SLIT1: variants seen among roughly 807,000 people sequenced by gnomAD.
SLIT1 encodes slit homolog 1 protein.
SLIT1 carries 66 observed loss-of-function variants against 186.1 expected under a neutral mutation model. That is an observed-to-expected ratio of 0.35 (90% confidence interval 0.29 to 0.44). The LOEUF (loss-of-function observed/expected upper bound fraction) is 0.44. SLIT1 is among the 20% of genes least tolerant of loss of function. The pLI, the probability that SLIT1 is intolerant of heterozygous loss-of-function variation, is 1.00. For missense variants in SLIT1, 1,638 were observed against 2,037.4 expected (o/e 0.80, Z 3.77); for synonymous variants, 761 against 833.8 (o/e 0.91, Z 1.50).
At chr10:97,088,105 T>G (rs1176556059) in intron 4 of SLIT1, among the ~76,000 whole-genome samples, 1 of 152,178 alleles carries the variant, frequency 6.6e-6, no homozygotes, top group Non-Finnish European at 1.5e-5. Context: ...TACTGTTGCC[T>G]GGACCCACCC....
intron 4 of SLIT1, among the ~76,000 whole-genome samples, chr10:97,156,895 C>A (rs1470865879): frequency 6.6e-6 from 1 of 152,122 alleles, no homozygotes. Context: ...ATGCAGAAGG[C>A]CCTGCCGGTG....
chr10:97,057,666 A>G (rs1848853524), intron 11 of SLIT1: 1 of 369,902 alleles, frequency 2.7e-6, no homozygotes, highest in Non-Finnish European at 4.9e-6. Context: ...AGGAATAATT[A>G]ACATATTTTC....
intron 4 of SLIT1, among the ~76,000 whole-genome samples, chr10:97,141,668 C>CATTGCATTGT (rs1554853311): frequency 1.2e-4 from 13 of 108,846 alleles, no homozygotes; most frequent in African/African-American, 5.1e-4. Flanking sequence ...TATTGCATTG[C>CATTGCATTGT]ATTGTATCGT....
chr10:97,083,949 CA>C (rs1371092659), intron 4 of SLIT1, among the ~76,000 whole-genome samples: 3 of 152,164 alleles, frequency 2.0e-5, no homozygotes, highest in Non-Finnish European at 4.4e-5. Flanking sequence ...CAGTCTTTGG[CA>C]CACCTCTGGG....
At chr10:97,042,844 C>A in intron 20 of SLIT1, 57 bp downstream of exon 20, 1 of 1,572,426 alleles carries the variant, frequency 6.4e-7, no homozygotes, top group South Asian at 1.2e-5. Context: ...ACCTGCCCCA[C>A]CCCACTGGTT....
chr10:97,112,886 G>T (rs1420271214), intron 4 of SLIT1, among the ~76,000 whole-genome samples: 3 of 152,078 alleles, frequency 2.0e-5, no homozygotes, highest in Non-Finnish European at 2.9e-5. Flanking sequence ...TAGAGACAGG[G>T]TTTCACCATG....
At position 97,056,285 on chromosome 10, in the gene SLIT1, T is replaced by TG. The variant is rs559673456; in HGVS notation, c.1301+35dup. 393 of 1,610,078 alleles carry TG rather than the reference T, an allele frequency of 2.4e-4. 4 individuals carry two copies. The South Asian group carries it at 4.1e-3, about 17-fold the overall frequency. On this transcript the variant is annotated intron_variant, in intron 13 of 36. Coordinates refer to ENST00000266058, the MANE Select transcript of SLIT1 (RefSeq NM_003061.3). ...TGCAACCTCCCCCAGGCCCACCTGC[T>TG]GGGAGGGGAGAAGAAGAAGGCATCA...
intron 11 of SLIT1, among the ~76,000 whole-genome samples, chr10:97,059,254 G>A (rs1033314811): frequency 3.3e-5 from 5 of 152,234 alleles, no homozygotes; most frequent in Admixed American, 6.5e-5. Context: ...TCCCAGCGTC[G>A]GAGGGTCCAC....
At position 97,064,251 on chromosome 10, in the gene SLIT1, A is replaced by G; in HGVS notation, c.558-12T>C. 2 of 1,611,746 alleles carry G rather than the reference A, an allele frequency of 1.2e-6. No individual in the cohort carries two copies. Among genetic ancestry groups the G allele is most frequent in the African/African-American group, 2.7e-5 (2 of 74,988 alleles). On this transcript the variant is annotated splice_polypyrimidine_tract_variant and intron_variant, in intron 6 of 36. Coordinates refer to ENST00000266058, the MANE Select transcript of SLIT1 (RefSeq NM_003061.3). ...TGTTGTTCAGGGTCCTAAATGGGAA[A>G]AACCAGAGTCATTTAGCACCTGCCC... is the stretch of plus-strand genomic sequence containing the variant.
chr10:97,027,880 C>T (rs948459007), intron 25 of SLIT1, among the ~76,000 whole-genome samples: 1 of 152,290 alleles, frequency 6.6e-6, no homozygotes, highest in South Asian at 2.1e-4. Context: ...CACATCTGCA[C>T]AGTTGAACCC....
At chr10:97,032,570 C>CAA (rs377278794) in intron 23 of SLIT1, among the ~76,000 whole-genome samples, 23 of 120,910 alleles carry the variant, frequency 1.9e-4, no homozygotes, top group Non-Finnish European at 2.4e-4. Flanking sequence ...CTCCCCATCT[C>CAA]AAAAAAAAAA....
chr10:97,176,940 C>A (rs376736883), intron 1 of SLIT1, among the ~76,000 whole-genome samples: 4 of 152,168 alleles, frequency 2.6e-5, no homozygotes, highest in East Asian at 1.9e-4. Flanking sequence ...TGTGAGTCCT[C>A]GAAGGATGTG....
At chr10:97,051,008 T>A (rs1205431761) in intron 13 of SLIT1, among the ~76,000 whole-genome samples, 4 of 151,858 alleles carry the variant, frequency 2.6e-5, no homozygotes, top group Non-Finnish European at 4.4e-5. Flanking sequence ...TGGGAAAAAA[T>A]AATCGTGTTA....
chr10:97,019,180 C>T (rs1848481766), intron 26 of SLIT1, 73 bp from the exon 27 acceptor site: 1 of 954,782 alleles, frequency 1.0e-6, no homozygotes, highest in South Asian at 1.5e-5. Flanking sequence ...GCACCTCAAC[C>T]CCGAGGAGCC....
intron 4 of SLIT1, chr10:97,102,316 G>C (rs918333615): frequency 1.3e-5 from 2 of 151,272 alleles, no homozygotes; most frequent in African/African-American, 4.9e-5. Flanking sequence ...AGCTACTTAG[G>C]AGGCTGAAGC....
Position 97,002,183 on chromosome 10 carries a change from G to C in SLIT1, c.4341C>G (p.Gly1447=), listed in dbSNP as rs1228067724. The change falls in exon 36 of 37, where the codon GGC becomes GGG. Residue 1447 remains glycine, a synonymous_variant. Coordinates refer to ENST00000266058, the MANE Select transcript of SLIT1 (RefSeq NM_003061.3). ...TKGAHCVCDP[G]FSGELCEQES... The stretch of plus-strand genomic sequence containing the variant: ...CTTGCTCACACAGCTCGCCCGAAAA[G>C]CCGGGGTCACACACACAGTGTGCCC... The C allele has an allele frequency of 4.7e-6, 7 of 1,501,908 alleles. No individual in the cohort carries two copies. In the South Asian group the frequency reaches 7.7e-5, roughly 16 times the overall value. The allele number at this position is 1,501,908 out of a possible 1,614,324, so 93.0% of individuals were successfully genotyped here. A position where few individuals can be genotyped will look rare whatever the true frequency, so the allele number is the denominator to read the frequency against.
chr10:97,036,932 A>G (rs1341377283), intron 22 of SLIT1, among the ~76,000 whole-genome samples: 1 of 152,206 alleles, frequency 6.6e-6, no homozygotes, highest in Non-Finnish European at 1.5e-5. Context: ...ACAGGTATGT[A>G]TTTGTAGCTG....
rs149747580 is a variant in SLIT1, at chr10:97,148,070, T to A, written c.413+9748A>T. Reference sequence around the variant, plus strand: ...AAGAGCACACCCTCTGGGTAGCACTTCCTGTACTCCAAGCCTGGATCTGCC... The same window carrying A: ...AAGAGCACACCCTCTGGGTAGCACTACCTGTACTCCAAGCCTGGATCTGCC... On this transcript the variant is annotated intron_variant, in intron 4 of 36. Coordinates refer to ENST00000266058, the MANE Select transcript of SLIT1 (RefSeq NM_003061.3). Among the ~76,000 whole-genome samples, 6 of 152,296 alleles carry A rather than the reference T, an allele frequency of 3.9e-5. No individual in the cohort carries two copies. The East Asian group carries it at 1.2e-3, about 29-fold the overall frequency.
At chr10:97,058,214 C>A in intron 11 of SLIT1, 1 of 630,832 alleles carries the variant, frequency 1.6e-6, no homozygotes, top group Non-Finnish European at 2.9e-6. Context: ...CCTCAAGCTG[C>A]TGGGTGGGAA....
Sources: gnomAD v4.1 joint callset for allele counts (sites outside exome capture counted in the v4.1 genomes callset) on GRCh38, gnomAD v4.1.1 for gene constraint, MANE v1.5 for transcripts, NCBI Gene and HGNC (gene_info 2026-07-23, HGNC 2026-07-21) for gene names.